CUL3: variants seen among roughly 807,000 people sequenced by gnomAD.
The protein encoded by CUL3 is cullin-3.
In CUL3, 19 loss-of-function variants were observed where a neutral mutation model predicts 89.1. The observed-to-expected ratio is 0.21, with a 90% confidence interval of 0.15 to 0.31. The LOEUF (loss-of-function observed/expected upper bound fraction) is 0.31. Among genes scored for constraint, CUL3 ranks in the 10% least tolerant of loss-of-function variants. The pLI, the probability that CUL3 is intolerant of heterozygous loss-of-function variation, is 1.00. For missense variants in CUL3, 469 were observed against 942.3 expected (o/e 0.50, Z 6.58); for synonymous variants, 351 against 308.4 (o/e 1.14, Z -1.45).
chr2:224,573,429 TAAAC>T (rs969061756), intron 1 of CUL3, among the ~76,000 whole-genome samples: 1 of 152,252 alleles, frequency 6.6e-6, no homozygotes, highest in Non-Finnish European at 1.5e-5. Flanking sequence ...AAGGTCCCCT[TAAAC>T]AAGTTATATA....
At chr2:224,564,248 A>G (rs12994058) in intron 1 of CUL3, among the ~76,000 whole-genome samples, 13,776 of 152,248 alleles carry the variant, frequency 0.09, 880 homozygotes, top group East Asian at 0.27. Flanking sequence ...GTGGCACTGT[A>G]CTCCAGCCTG....
intron 1 of CUL3, among the ~76,000 whole-genome samples, chr2:224,569,394 A>T (rs769847488): frequency 5.9e-5 from 9 of 152,168 alleles, no homozygotes; most frequent in Non-Finnish European, 1.2e-4. Context: ...AAGAAACAAA[A>T]GCTTTTTTAA....
chr2:224,474,079 G>A lies in CUL3; in HGVS notation c.*166C>T, dbSNP rs1294962370. The A allele has an allele frequency of 1.8e-6, 1 of 568,392 alleles. No homozygotes were observed. Among genetic ancestry groups the A allele is most frequent in the African/African-American group, 1.9e-5 (1 of 53,674 alleles). 35.2% of individuals were successfully genotyped at this position (568,392 alleles called of 1,614,324 possible). The stretch of plus-strand genomic sequence containing the variant: ...TGTAAAGCCTGAAGCTCAATCAACT[G>A]ATGTTGGAAACTCTCAAAGGGAGTA... On this transcript the variant is annotated 3_prime_UTR_variant, in exon 16 of 16. Coordinates refer to ENST00000264414, the MANE Select transcript of CUL3 (RefSeq NM_003590.5).
rs772027238 is a variant in CUL3 at position 224,511,481 on chromosome 2, A to C, written c.756T>G (p.Leu252=). ...CAATTGGTTCTTCCGTTGATTTGTC[A>C]AGGCAGTGCATCACTCGTTCTATTT... ...NEEIERVMHC[L]DKSTEEPIVK... The change falls in exon 6 of 16, where the codon CTT becomes CTG. Residue 252 remains leucine (L), a synonymous_variant. Coordinates refer to ENST00000264414, the MANE Select transcript of CUL3 (RefSeq NM_003590.5). 1 of 1,613,572 alleles carries C rather than the reference A, an allele frequency of 6.2e-7. No individual in the cohort carries two copies. Among genetic ancestry groups the C allele is most frequent in the Non-Finnish European group, 8.5e-7 (1 of 1,179,688 alleles).
intron 1 of CUL3, among the ~76,000 whole-genome samples, chr2:224,579,866 C>A (rs1317927676): frequency 2.0e-5 from 3 of 152,216 alleles, no homozygotes. Context: ...CAGGAAAGGA[C>A]AGCATTTTCA....
intron 1 of CUL3, among the ~76,000 whole-genome samples, chr2:224,565,926 CAAT>C (rs1695031032): frequency 6.6e-6 from 1 of 152,152 alleles, no homozygotes; most frequent in Non-Finnish European, 1.5e-5. Context: ...GGCTTTTTAA[CAAT>C]GATGGCATCT....
chr2:224,508,062 C>T (rs2106208492), intron 6 of CUL3, among the ~76,000 whole-genome samples: 1 of 151,146 alleles, frequency 6.6e-6, no homozygotes, highest in East Asian at 1.9e-4. Flanking sequence ...AATAAAACTT[C>T]ATGGACCCTG....
chr2:224,539,315 G>A (rs1694008196), intron 2 of CUL3, among the ~76,000 whole-genome samples: 1 of 152,140 alleles, frequency 6.6e-6, no homozygotes, highest in Non-Finnish European at 1.5e-5. Flanking sequence ...ATGCTAGCAA[G>A]GACGCAGAGC....
intron 1 of CUL3, among the ~76,000 whole-genome samples, chr2:224,578,360 TCTTAC>T (rs1334009832): frequency 6.6e-6 from 1 of 152,188 alleles, no homozygotes; most frequent in Non-Finnish European, 1.5e-5. Context: ...ACAATGATTA[TCTTAC>T]CTTAATTTTA....
chr2:224,505,412 C>T (rs756454764), intron 8 of CUL3, among the ~76,000 whole-genome samples: 1 of 152,158 alleles, frequency 6.6e-6, no homozygotes, highest in Non-Finnish European at 1.5e-5. Context: ...GCTGAGATTA[C>T]AGGCATGAGC....
chr2:224,561,900 A>G (rs1259642100), intron 1 of CUL3, among the ~76,000 whole-genome samples: 4 of 125,006 alleles, frequency 3.2e-5, no homozygotes, highest in Non-Finnish European at 7.1e-5. Context: ...ATTGAGTAAC[A>G]AATAGATAAA....
chr2:224,546,192 T>C (rs1361404433), intron 2 of CUL3, among the ~76,000 whole-genome samples: 2 of 152,148 alleles, frequency 1.3e-5, no homozygotes, highest in Non-Finnish European at 2.9e-5. Flanking sequence ...AGTATCATGG[T>C]TAAACTTAGT....
Position 224,562,172 on chromosome 2 carries a change from A to G in CUL3, c.67-4316T>C, listed in dbSNP as rs117107157. On this transcript the variant is annotated intron_variant, in intron 1 of 15. Transcript: ENST00000264414. ...ATTGTAAAAGTACTCTCACATTATTATAACATAACCATTTTCACATATATA... is the reference window on the plus strand; with the variant it reads ...ATTGTAAAAGTACTCTCACATTATTGTAACATAACCATTTTCACATATATA... Among the ~76,000 whole-genome samples, 23 of 152,354 alleles carry G rather than the reference A, an allele frequency of 1.5e-4. No homozygotes were observed. The East Asian group carries it at 4.4e-3, about 29-fold the overall frequency.
intron 5 of CUL3, among the ~76,000 whole-genome samples, chr2:224,513,110 T>C (rs1692900566): frequency 6.6e-6 from 1 of 152,208 alleles, no homozygotes; most frequent in Non-Finnish European, 1.5e-5. Context: ...TACTTTATTG[T>C]AAGAGTACAA....
intron 10 of CUL3, 40 bp from the exon 11 acceptor site, chr2:224,500,527 T>A (rs759468531): frequency 6.2e-7 from 1 of 1,602,936 alleles, no homozygotes; most frequent in Non-Finnish European, 8.5e-7. Context: ...CAAAATTAAC[T>A]AGGATTTGCT....
chr2:224,580,598 C>T (rs185994026), intron 1 of CUL3, among the ~76,000 whole-genome samples: 9 of 152,128 alleles, frequency 5.9e-5, no homozygotes, highest in African/African-American at 1.9e-4. Flanking sequence ...ACACAAGAAT[C>T]GGTTGAACCC....
chr2:224,471,884 TCAC>T lies in CUL3; in HGVS notation c.*2358_*2360del, dbSNP rs1691144365. 1 of 230,708 alleles carries T rather than the reference TCAC, an allele frequency of 4.3e-6. No homozygotes were observed. The highest frequency in any genetic ancestry group is 8.6e-6 in the Non-Finnish European group (1 of 116,596). The allele number at this position is 230,708 out of a possible 1,614,324, so 14.3% of individuals were successfully genotyped here. A position where few individuals can be genotyped will look rare whatever the true frequency, so the allele number is the denominator to read the frequency against. ...CCCTCCTTAAAAGTCTTCTAATAAA[TCAC>T]CAAAATTTCTCTGCACCAACAGGAT... is the stretch of plus-strand genomic sequence containing the variant. On this transcript the variant is annotated 3_prime_UTR_variant, in exon 16 of 16. Transcript: ENST00000264414.
chr2:224,564,816 A>G (rs1695000135), intron 1 of CUL3, among the ~76,000 whole-genome samples: 1 of 150,190 alleles, frequency 6.7e-6, no homozygotes, highest in Non-Finnish European at 1.5e-5. Context: ...CAAACTTATC[A>G]TGTCAAAAAT....
Position 224,503,680 on chromosome 2 carries a change from GAGTCATCAGAAAC to G in CUL3, c.1336_1348del (p.Val446LeufsTer5). 1 of 1,592,084 alleles carries G rather than the reference GAGTCATCAGAAAC, an allele frequency of 6.3e-7. No homozygotes were observed. Among genetic ancestry groups the G allele is most frequent in the Non-Finnish European group, 8.5e-7 (1 of 1,173,180 alleles). ...TAACTTAGATATCATGTTTTTTTCA[GAGTCATCAGAAAC>G]ACTTTTATTTGTGAGAAGTCTCCTT... On this transcript the variant is annotated frameshift_variant, in exon 9 of 16. Coordinates refer to ENST00000264414, the MANE Select transcript of CUL3 (RefSeq NM_003590.5). LOFTEE classifies it high-confidence loss of function.
Sources: allele counts gnomAD v4.1 joint callset (sites outside exome capture counted in the v4.1 genomes callset), GRCh38; gene constraint gnomAD v4.1.1; transcripts MANE v1.5; gene names NCBI Gene and HGNC (gene_info 2026-07-23, HGNC 2026-07-21).